The following BBX variants were observed in gnomAD, a reference collection of about 807,000 sequenced individuals.
BBX encodes the protein HMG box transcription factor BBX.
Under a neutral mutation model 100.2 loss-of-function variants are expected in BBX, and 30 were observed. The ratio of observed to expected loss-of-function variants is 0.30; its 90% confidence interval spans 0.22 to 0.41. The LOEUF (loss-of-function observed/expected upper bound fraction) is 0.41, where lower values mean the gene tolerates loss of function less well. BBX is among the 10% of genes least tolerant of loss of function. BBX has a pLI of 1.00. For synonymous variants in BBX, 376 were observed against 388.1 expected, an observed-to-expected ratio of 0.97 and a Z score of 0.37; for missense variants, 1,023 against 1,129.8, an observed-to-expected ratio of 0.91 and a Z score of 1.35.
At position 107,523,312 on chromosome 3, in the gene BBX, G is replaced by C. The variant is rs527940330; in HGVS notation, c.-156+205G>C. On this transcript the variant is annotated intron_variant, in intron 1 of 17. Transcript: ENST00000325805. ...GCGCGTCCGGAGCCGCCGCCAGCCG[G>C]CCCGCTCCCTGGGCACTTTCCCCCT... The C allele has an allele frequency of 9.7e-5, 16 of 165,430 alleles. No homozygotes were observed. In the South Asian group the frequency reaches 1.8e-3, roughly 18 times the overall value. The allele number at this position is 165,430 out of a possible 1,614,324, so 10.2% of individuals were successfully genotyped here.
rs1407377650 is a variant in BBX at position 107,662,630 on chromosome 3, A to G, written c.-10+16721A>G. 12 of 145,610 alleles carry G rather than the reference A, an allele frequency of 8.2e-5. No homozygotes were observed. The Admixed American group carries it at 8.7e-4, about 11-fold the overall frequency. 9.0% of individuals were successfully genotyped at this position (145,610 alleles called of 1,614,324 possible). A position where few individuals can be genotyped will look rare whatever the true frequency, so the allele number is the denominator to read the frequency against. On this transcript the variant is annotated intron_variant, in intron 3 of 17. Transcript: ENST00000325805. ...ATAAACTGAAATAGTAAGCTGAAAT[A>G]TAACAAGTCTGGGTTTTTTTTTTTT...
At chr3:107,788,535 C>T (rs1213659725) in intron 13 of BBX, among the ~76,000 whole-genome samples, 3 of 151,954 alleles carry the variant, frequency 2.0e-5, no homozygotes, top group South Asian at 4.1e-4. Flanking sequence ...GTAATCCCAG[C>T]ATTTTGGGAG....
At position 107,716,737 on chromosome 3, in the gene BBX, TACGTCAG is replaced by T. The variant is rs1181970446; in HGVS notation, c.294_300del (p.Arg99AsnfsTer14). ...TTTTGCAAACGCCATCGCTCTCTTG[TACGTCAG>T]GAACACCCCAGGCTTGATAACCGAG... is the stretch of plus-strand genomic sequence containing the variant. On this transcript the variant is annotated frameshift_variant, in exon 5 of 18. Coordinates refer to ENST00000325805, the MANE Select transcript of BBX (RefSeq NM_001142568.3). LOFTEE classifies it high-confidence loss of function. 2 of 1,613,866 alleles carry T rather than the reference TACGTCAG, an allele frequency of 1.2e-6. No individual in the cohort carries two copies. The highest frequency in any genetic ancestry group is 1.7e-6 in the Non-Finnish European group (2 of 1,179,814).
At chr3:107,717,423 G>T (rs1231779632) in intron 5 of BBX, among the ~76,000 whole-genome samples, 1 of 152,000 alleles carries the variant, frequency 6.6e-6, no homozygotes, top group Non-Finnish European at 1.5e-5. Flanking sequence ...GAGAAAGTTG[G>T]ACAAAGATTT....
At chr3:107,638,777 GTA>G (rs1402252028) in intron 2 of BBX, among the ~76,000 whole-genome samples, 11 of 33,138 alleles carry the variant, frequency 3.3e-4, no homozygotes, top group Non-Finnish European at 4.9e-4. Context: ...AAAAAAAAAA[GTA>G]TACACACACA....
intron 3 of BBX, among the ~76,000 whole-genome samples, chr3:107,700,091 A>C (rs1362440703): frequency 1.3e-5 from 2 of 151,936 alleles, no homozygotes; most frequent in African/African-American, 4.9e-5. Context: ...GTTTGTACAA[A>C]GAAAGAGGAC....
At position 107,778,241 on chromosome 3, in the gene BBX, T is replaced by C. The variant is rs377009654; in HGVS notation, c.2055-130T>C. ...ATTTCAGAAAAGGTGTTTTTTTCCT[T>C]GCACAGAATTTACTTACCTAATTCC... On this transcript the variant is annotated intron_variant, in intron 12 of 17. Transcript: ENST00000325805. 279 of 1,135,998 alleles carry C rather than the reference T, an allele frequency of 2.5e-4. 2 individuals are homozygous for C. The highest frequency in any genetic ancestry group is 2.3e-3 in the Middle Eastern group (11 of 4,732). 70.4% of individuals were successfully genotyped at this position (1,135,998 alleles called of 1,614,324 possible).
At chr3:107,615,553 G>T (rs1413165385) in intron 2 of BBX, among the ~76,000 whole-genome samples, 1 of 151,958 alleles carries the variant, frequency 6.6e-6, no homozygotes, top group Non-Finnish European at 1.5e-5. Flanking sequence ...CTACCATCAC[G>T]ATCTAATCAC....
intron 8 of BBX, 60 bp downstream of exon 8, chr3:107,744,770 G>A (rs1576604949): frequency 3.0e-6 from 4 of 1,341,412 alleles, no homozygotes; most frequent in Admixed American, 1.7e-5. Flanking sequence ...CTTAAATTGG[G>A]GCTGATAACA....
intron 2 of BBX, among the ~76,000 whole-genome samples, chr3:107,569,931 GAGTC>G (rs2051219448): frequency 6.6e-6 from 1 of 152,216 alleles, no homozygotes; most frequent in Admixed American, 6.5e-5. Context: ...ATCTGGGAAG[GAGTC>G]AGTCAGAGAG....
chr3:107,737,626 A>T (rs1036090135), intron 7 of BBX, among the ~76,000 whole-genome samples: 17 of 152,226 alleles, frequency 1.1e-4, no homozygotes, highest in Admixed American at 9.8e-4. Flanking sequence ...AATGCCTTGT[A>T]TGTGTAAGGC....
chr3:107,608,578 A>AT (rs960500705), intron 2 of BBX, among the ~76,000 whole-genome samples: 90 of 151,428 alleles, frequency 5.9e-4, no homozygotes, highest in African/African-American at 2.2e-3. Context: ...AATTTTAGGA[A>AT]TTTTTTTTCT....
chr3:107,710,477 G>T lies in BBX; in HGVS notation c.17G>T (p.Arg6Ile). The change falls in exon 4 of 18, where the codon AGA (arginine) becomes ATA (isoleucine). Residue 6 changes from arginine to isoleucine, a missense_variant. Arg to Ile is a moderately conservative substitution (Grantham distance 97). This residue lies in a region of BBX where 229 missense variants were observed against 226.3 expected (regional missense o/e 1.01). Coordinates refer to ENST00000325805, the MANE Select transcript of BBX (RefSeq NM_001142568.3). MKGSN[R>I]NKDHSAEGEG... ...GTCACAGTAATGAAAGGCAGTAATAGAAATAAGGATCATTCAGCAGAAGGA... is the reference window on the plus strand; with the variant it reads ...GTCACAGTAATGAAAGGCAGTAATATAAATAAGGATCATTCAGCAGAAGGA... 6.2e-7 allele frequency: 1 copy of T among 1,612,880 alleles called. No homozygotes were observed. The highest frequency in any genetic ancestry group is 1.1e-5 in the South Asian group (1 of 90,900).
intron 8 of BBX, among the ~76,000 whole-genome samples, chr3:107,745,643 A>G (rs1318701820): frequency 6.6e-6 from 1 of 151,808 alleles, no homozygotes; most frequent in Non-Finnish European, 1.5e-5. Context: ...TTTTTTAAAC[A>G]GGGTCTCACT....
intron 10 of BBX, among the ~76,000 whole-genome samples, chr3:107,758,998 C>A (rs1226738334): frequency 6.6e-6 from 1 of 152,082 alleles, no homozygotes; most frequent in African/African-American, 2.4e-5. Flanking sequence ...CAACAAATGT[C>A]TTCTCCTTAG....
At chr3:107,528,626 A>G (rs1194847414) in intron 2 of BBX, among the ~76,000 whole-genome samples, 2 of 152,224 alleles carry the variant, frequency 1.3e-5, no homozygotes, top group Non-Finnish European at 2.9e-5. Flanking sequence ...TTAATCCATT[A>G]AAACAGATTC....
At chr3:107,612,120 C>A (rs1036790394) in intron 2 of BBX, among the ~76,000 whole-genome samples, 3 of 151,976 alleles carry the variant, frequency 2.0e-5, no homozygotes, top group Admixed American at 2.0e-4. Context: ...TTCTGAATTT[C>A]TTCTCTGTTA....
At chr3:107,624,215 G>A (rs1237200032) in intron 2 of BBX, among the ~76,000 whole-genome samples, 1 of 152,114 alleles carries the variant, frequency 6.6e-6, no homozygotes, top group Admixed American at 6.5e-5. Context: ...GGACTAAGTG[G>A]TTAATGTAAA....
intron 2 of BBX, among the ~76,000 whole-genome samples, chr3:107,557,971 A>G (rs1244602983): frequency 6.6e-6 from 1 of 152,232 alleles, no homozygotes. Flanking sequence ...AGAAATACCT[A>G]TACCCAGGTC....
Sources: allele counts gnomAD v4.1 joint callset (sites outside exome capture counted in the v4.1 genomes callset), GRCh38; gene constraint gnomAD v4.1.1; regional missense constraint gnomAD v4.1.1; transcripts MANE v1.5; gene names NCBI Gene and HGNC (gene_info 2026-07-23, HGNC 2026-07-21).